The following ANTXR1 variants were observed in gnomAD, a reference collection of about 807,000 sequenced individuals.
The protein encoded by ANTXR1 is ANTXR cell adhesion molecule 1.
In ANTXR1, 19 loss-of-function variants were observed where a neutral mutation model predicts 78.1. The ratio of observed to expected loss-of-function variants is 0.24; its 90% CI spans 0.17 to 0.36. The LOEUF (loss-of-function observed/expected upper bound fraction) is 0.36, where lower values mean the gene tolerates loss of function less well. Among genes scored for constraint, ANTXR1 ranks in the 10% least tolerant of loss-of-function variants. The pLI, the probability that ANTXR1 is intolerant of heterozygous loss-of-function variation, is 1.00. For missense variants in ANTXR1, 518 were observed against 718.6 expected (o/e 0.72, Z 3.19); for synonymous variants, 273 against 260.5 (o/e 1.05, Z -0.46).
intron 15 of ANTXR1, 117 bp downstream of exon 15, chr2:69,181,998 G>A (rs1293787979): frequency 2.4e-5 from 24 of 981,390 alleles, no homozygotes; most frequent in African/African-American, 3.2e-5. Flanking sequence ...CAGTATGGCC[G>A]TAGACCACAC....
intron 2 of ANTXR1, among the ~76,000 whole-genome samples, chr2:69,043,170 G>A (rs192348799): frequency 5.3e-5 from 8 of 152,240 alleles, no homozygotes; most frequent in African/African-American, 1.9e-4. Flanking sequence ...CCAAGTTCTA[G>A]AATTAAAACA....
At chr2:69,238,435 C>T (rs1002161855) in intron 17 of ANTXR1, among the ~76,000 whole-genome samples, 2 of 152,172 alleles carry the variant, frequency 1.3e-5, no homozygotes, top group African/African-American at 4.8e-5. Flanking sequence ...AATAAATTAA[C>T]AAATGAAGAG....
chr2:69,235,651 CAAA>C lies in ANTXR1; in HGVS notation c.1435-9554_1435-9552del, dbSNP rs554310438. Reference sequence around the variant, plus strand: ...TGGGTCACAGAGTGAAACCCCGTCTCAAAAAAAAAAAAAAAAAAAAAAGAATAG... The same window carrying C: ...TGGGTCACAGAGTGAAACCCCGTCTCAAAAAAAAAAAAAAAAAAAGAATAG... On this transcript the variant is annotated intron_variant, in intron 17 of 17. Coordinates refer to ENST00000303714, the MANE Select transcript of ANTXR1 (RefSeq NM_032208.3). Among the ~76,000 whole-genome samples the C allele has an allele frequency of 6.6e-3, 384 of 58,234 alleles. 2 individuals carry two copies. The highest frequency in any genetic ancestry group is 0.021 in the African/African-American group (347 of 16,850). 38.2% of individuals were successfully genotyped at this position (58,234 alleles called of 152,430 possible).
In ANTXR1 at chr2:69,090,939, T is replaced by G; in HGVS notation, c.703+20T>G. On this transcript the variant is annotated intron_variant, in intron 9 of 17. Coordinates refer to ENST00000303714, the MANE Select transcript of ANTXR1 (RefSeq NM_032208.3). ...CAGGAGGTAAATTGAAATGAAATGC[T>G]AATTGCTTTCATACAATTGATGATA... 1 of 1,609,040 alleles carries G rather than the reference T, an allele frequency of 6.2e-7. No individual in the cohort carries two copies. The highest frequency in any genetic ancestry group is 8.5e-7 in the Non-Finnish European group (1 of 1,177,690).
intron 12 of ANTXR1, among the ~76,000 whole-genome samples, chr2:69,126,640 A>G (rs1672549783): frequency 6.6e-6 from 1 of 152,118 alleles, no homozygotes; most frequent in Non-Finnish European, 1.5e-5. Context: ...ACCACAGAGC[A>G]GAGGAAGTGG....
At chr2:69,197,791 A>T (rs985548761) in intron 17 of ANTXR1, among the ~76,000 whole-genome samples, 1 of 152,234 alleles carries the variant, frequency 6.6e-6, no homozygotes, top group Non-Finnish European at 1.5e-5. Context: ...AAATTTGCTC[A>T]TCTTTCAAGG....
At position 69,246,792 on chromosome 2, in the gene ANTXR1, T is replaced by C. The variant is rs1251722240; in HGVS notation, c.*1307T>C. On this transcript the variant is annotated 3_prime_UTR_variant, in exon 18 of 18. Coordinates refer to ENST00000303714, the MANE Select transcript of ANTXR1 (RefSeq NM_032208.3). ...ATCACTTGCTAAACACTGGGCTTCA[T>C]CACCCAGGGATAAAAACAGAGATCA... The C allele has an allele frequency of 6.6e-6, 1 of 152,216 alleles. No individual in the cohort carries two copies. Among genetic ancestry groups the C allele is most frequent in the Non-Finnish European group, 1.5e-5 (1 of 68,042 alleles). The allele number at this position is 152,216 out of a possible 1,614,324, so 9.4% of individuals were successfully genotyped here.
intron 17 of ANTXR1, among the ~76,000 whole-genome samples, chr2:69,242,507 T>A (rs760568660): frequency 5.3e-5 from 8 of 152,166 alleles, no homozygotes; most frequent in African/African-American, 1.9e-4. Flanking sequence ...AGAGAATAAG[T>A]ACATGAGCTT....
At chr2:69,122,577 GTTTTGT>G (rs1266232853) in intron 10 of ANTXR1, among the ~76,000 whole-genome samples, 3 of 151,376 alleles carry the variant, frequency 2.0e-5, no homozygotes, top group South Asian at 2.1e-4. Flanking sequence ...CAGCTCAAGA[GTTTTGT>G]TTTTGTTTTT....
intron 10 of ANTXR1, among the ~76,000 whole-genome samples, chr2:69,117,629 C>A (rs1258787735): frequency 6.6e-6 from 1 of 152,122 alleles, no homozygotes; most frequent in Non-Finnish European, 1.5e-5. Context: ...AATGTTTAAT[C>A]CCTCTGATTT....
At chr2:69,017,102 G>C (rs918913072) in intron 1 of ANTXR1, among the ~76,000 whole-genome samples, 1 of 152,168 alleles carries the variant, frequency 6.6e-6, no homozygotes, top group Non-Finnish European at 1.5e-5. Context: ...CTAGAACTTG[G>C]TGCGGTAGTG....
At chr2:69,058,260 A>G (rs899224472) in intron 3 of ANTXR1, among the ~76,000 whole-genome samples, 13 of 152,358 alleles carry the variant, frequency 8.5e-5, no homozygotes, top group African/African-American at 3.1e-4. Context: ...AGAAGATGCC[A>G]TCTAGGACTT....
chr2:69,096,282 A>AGGAAGGG (rs1671402971), intron 9 of ANTXR1, among the ~76,000 whole-genome samples: 9 of 34,638 alleles, frequency 2.6e-4, no homozygotes, highest in Admixed American at 8.3e-4. Context: ...GGAAGGAAGG[A>AGGAAGGG]AGGAAGGGAG....
At chr2:69,179,960 G>A (rs186653176) in intron 14 of ANTXR1, among the ~76,000 whole-genome samples, 27 of 152,314 alleles carry the variant, frequency 1.8e-4, no homozygotes, top group Non-Finnish European at 2.8e-4. Context: ...ATCTGAGAGC[G>A]AGCAACCAAG....
chr2:69,071,869 A>G, intron 5 of ANTXR1, 82 bp downstream of exon 5: 8 of 1,262,698 alleles, frequency 6.3e-6, no homozygotes, highest in South Asian at 2.4e-5. Flanking sequence ...CAGTCATTTC[A>G]TGTTTCAAAA....
At chr2:69,232,166 C>T (rs1483707349) in intron 17 of ANTXR1, among the ~76,000 whole-genome samples, 1 of 152,020 alleles carries the variant, frequency 6.6e-6, no homozygotes, top group African/African-American at 2.4e-5. Flanking sequence ...CACAACCACC[C>T]TTGGACTTCA....
intron 4 of ANTXR1, 92 bp from the exon 5 acceptor site, chr2:69,071,662 G>A: frequency 8.0e-7 from 1 of 1,248,868 alleles, no homozygotes; most frequent in Non-Finnish European, 1.2e-6. Flanking sequence ...TGAATTGGCT[G>A]CATATTCAAC....
chr2:69,200,046 T>A (rs1674737849), intron 17 of ANTXR1, among the ~76,000 whole-genome samples: 1 of 152,178 alleles, frequency 6.6e-6, no homozygotes, highest in Non-Finnish European at 1.5e-5. Context: ...TGGAATTCAA[T>A]CATCTACCAA....
chr2:69,082,465 T>C (rs975475451), intron 8 of ANTXR1, among the ~76,000 whole-genome samples: 5 of 152,314 alleles, frequency 3.3e-5, no homozygotes, highest in African/African-American at 9.6e-5. Context: ...CCTTCTCATA[T>C]TGTGGCTTCT....
Sources: gnomAD v4.1 joint callset for allele counts (sites outside exome capture counted in the v4.1 genomes callset) on GRCh38, gnomAD v4.1.1 for gene constraint, MANE v1.5 for transcripts, NCBI Gene and HGNC (gene_info 2026-07-23, HGNC 2026-07-21) for gene names.